Variants in OSBPL1A observed in about 807,000 individuals in gnomAD.
The protein encoded by OSBPL1A is oxysterol-binding protein-related protein 1.
A neutral mutation model predicts 137.1 loss-of-function variants in OSBPL1A; 80 were observed. The ratio of observed to expected loss-of-function variants is 0.58; its 90% CI spans 0.49 to 0.70. The LOEUF is 0.70. Ranked by LOEUF, OSBPL1A falls within the 30% of genes least tolerant of loss-of-function variation. The pLI is 0.00. For synonymous variants in OSBPL1A, 365 were observed against 389.7 expected (o/e 0.94, Z 0.75); for missense variants, 970 against 1,129.4 (o/e 0.86, Z 2.02).
intron 22 of OSBPL1A, 87 bp from the exon 23 acceptor site, chr18:24,171,585 GCTA>G: frequency 9.8e-7 from 1 of 1,024,708 alleles, no homozygotes; most frequent in East Asian, 2.4e-5. Flanking sequence ...TCTAGCAGCA[GCTA>G]CTGTTTATGG....
chr18:24,208,127 C>G (rs1394505482), intron 17 of OSBPL1A, among the ~76,000 whole-genome samples: 2 of 152,064 alleles, frequency 1.3e-5, no homozygotes. Context: ...ACTAAACACT[C>G]AAAGCAAAAT....
At chr18:24,232,898 T>C (rs2088327181) in intron 16 of OSBPL1A, among the ~76,000 whole-genome samples, 1 of 152,212 alleles carries the variant, frequency 6.6e-6, no homozygotes, top group African/African-American at 2.4e-5. Context: ...ATGCTAAAAC[T>C]GGTTTCAGTT....
At chr18:24,233,424 T>C (rs148510415) in intron 16 of OSBPL1A, among the ~76,000 whole-genome samples, 101 of 152,258 alleles carry the variant, frequency 6.6e-4, no homozygotes, top group African/African-American at 2.1e-3. Context: ...GAATCCAAAG[T>C]GGTGAATATA....
chr18:24,208,348 A>T (rs1255792565), intron 17 of OSBPL1A, among the ~76,000 whole-genome samples: 2 of 152,220 alleles, frequency 1.3e-5, no homozygotes, highest in Non-Finnish European at 2.9e-5. Flanking sequence ...TCTTTAAACA[A>T]TGGTTGAAAA....
chr18:24,330,079 T>A (rs995419348), intron 7 of OSBPL1A, among the ~76,000 whole-genome samples: 2 of 152,238 alleles, frequency 1.3e-5, no homozygotes, highest in African/African-American at 4.8e-5. Context: ...TGGTACTGAA[T>A]ATGATATCTG....
intron 24 of OSBPL1A, 118 bp downstream of exon 24, chr18:24,170,209 A>T (rs1160607246): frequency 1.7e-6 from 2 of 1,205,736 alleles, no homozygotes; most frequent in Non-Finnish European, 1.2e-6. Context: ...AGTGACATGC[A>T]TTAGCAACAA....
intron 15 of OSBPL1A, among the ~76,000 whole-genome samples, chr18:24,246,415 G>C (rs757854675): frequency 3.9e-5 from 6 of 151,928 alleles, no homozygotes; most frequent in Non-Finnish European, 5.9e-5. Context: ...AGGGGAAGAA[G>C]TAACATTATT....
At chr18:24,291,928 A>T (rs2090181996) in intron 14 of OSBPL1A, among the ~76,000 whole-genome samples, 1 of 152,000 alleles carries the variant, frequency 6.6e-6, no homozygotes, top group South Asian at 2.1e-4. Context: ...AATAAAATTT[A>T]AAAAATTAGC....
chr18:24,184,778 G>A (rs940527505), intron 18 of OSBPL1A, among the ~76,000 whole-genome samples: 3 of 151,968 alleles, frequency 2.0e-5, no homozygotes, highest in Admixed American at 1.3e-4. Context: ...GATGCACCCT[G>A]CATTCTCACT....
intron 13 of OSBPL1A, among the ~76,000 whole-genome samples, chr18:24,309,514 T>A (rs1317050734): frequency 6.6e-6 from 1 of 152,198 alleles, no homozygotes. Context: ...TTGTTGTTAA[T>A]TCAGATGATT....
At chr18:24,221,384 A>G (rs1288453519) in intron 17 of OSBPL1A, among the ~76,000 whole-genome samples, 1 of 152,160 alleles carries the variant, frequency 6.6e-6, no homozygotes, top group Non-Finnish European at 1.5e-5. Flanking sequence ...GTCCTAATCT[A>G]CCACTTCAGC....
chr18:24,307,105 A>C (rs1426752937), intron 13 of OSBPL1A, among the ~76,000 whole-genome samples: 1 of 146,954 alleles, frequency 6.8e-6, no homozygotes, highest in Non-Finnish European at 1.5e-5. Flanking sequence ...AAAAAAAAAA[A>C]CAAAAACAAA....
intron 13 of OSBPL1A, among the ~76,000 whole-genome samples, chr18:24,310,217 CAT>C (rs1284720252): frequency 1.3e-5 from 2 of 151,892 alleles, no homozygotes; most frequent in African/African-American, 2.4e-5. Flanking sequence ...TTAAAGTTAA[CAT>C]GTGAACAAAA....
At chr18:24,372,636 C>A (rs1905748524) in intron 2 of OSBPL1A, among the ~76,000 whole-genome samples, 1 of 152,198 alleles carries the variant, frequency 6.6e-6, no homozygotes, top group Admixed American at 6.5e-5. Flanking sequence ...TTCATTACAT[C>A]TAGTTTTCTC....
At chr18:24,230,563 A>G (rs182681456) in intron 16 of OSBPL1A, among the ~76,000 whole-genome samples, 7 of 152,310 alleles carry the variant, frequency 4.6e-5, no homozygotes, top group Non-Finnish European at 7.4e-5. Flanking sequence ...ATTGCCAGGA[A>G]AACTGGTTGA....
In OSBPL1A at chr18:24,210,330, C is replaced by T. The variant is rs570816688; in HGVS notation, c.1602-14130G>A. Among the ~76,000 whole-genome samples, 430 of 152,114 alleles carry T rather than the reference C, an allele frequency of 2.8e-3. 1 individual carries two copies. Among genetic ancestry groups the T allele is most frequent in the Non-Finnish European group, 4.4e-3 (296 of 67,996 alleles). On this transcript the variant is annotated intron_variant, in intron 17 of 27. Transcript: ENST00000319481. ...ATCCCAACTACTTGGGAGGCTGAGG[C>T]AGGAGAATCACTTGAATCTGGGAGG...
At chr18:24,392,604 A>C (rs1044838104) in intron 1 of OSBPL1A, among the ~76,000 whole-genome samples, 1 of 152,360 alleles carries the variant, frequency 6.6e-6, no homozygotes, top group East Asian at 1.9e-4. Context: ...TGAATGAGAA[A>C]AATTAAATGT....
chr18:24,175,102 GTGTATGTA>G (rs1361931205), intron 21 of OSBPL1A, among the ~76,000 whole-genome samples: 2,874 of 83,536 alleles, frequency 0.034, 56 homozygotes, highest in East Asian at 0.065. Flanking sequence ...TATTTGCCAT[GTGTATGTA>G]TATATATATA....
At chr18:24,317,252 G>C in intron 10 of OSBPL1A, 40 bp from the exon 11 acceptor site, 1 of 1,610,762 alleles carries the variant, frequency 6.2e-7, no homozygotes, top group Non-Finnish European at 8.5e-7. Flanking sequence ...AAAAGGAAAA[G>C]AGACAAGTGA....
Sources: gnomAD v4.1 joint callset for allele counts (sites outside exome capture counted in the v4.1 genomes callset) on GRCh38, gnomAD v4.1.1 for gene constraint, MANE v1.5 for transcripts, NCBI Gene and HGNC (gene_info 2026-07-23, HGNC 2026-07-21) for gene names.